The following GSE1 variants were observed in gnomAD, a reference collection of about 807,000 sequenced individuals.
GSE1 encodes the protein Gse1 coiled-coil protein, also known as genetic suppressor element 1.
Under a neutral mutation model 112.6 loss-of-function variants are expected in GSE1, and 32 were observed. The observed-to-expected ratio is 0.28, with a 90% confidence interval of 0.21 to 0.38. The LOEUF (loss-of-function observed/expected upper bound fraction) is 0.38, where lower values mean the gene tolerates loss of function less well. Among genes scored for constraint, GSE1 ranks in the 10% least tolerant of loss-of-function variants. The pLI is 1.00. For synonymous variants in GSE1, 1,115 were observed against 735.6 expected, an observed-to-expected ratio of 1.52 and a Z score of -8.35; for missense variants, 2,348 against 1,699.2, an observed-to-expected ratio of 1.38 and a Z score of -6.71.
chr16:85,246,267 ACACACACC>A (rs1304903009), intron 1 of GSE1, among the ~76,000 whole-genome samples: 8 of 141,092 alleles, frequency 5.7e-5, no homozygotes, highest in African/African-American at 2.2e-4. Context: ...ACACACACAC[ACACACACC>A]CCACACGCTG....
chr16:85,497,581 C>T (rs372819575), intron 2 of GSE1, among the ~76,000 whole-genome samples: 3 of 152,228 alleles, frequency 2.0e-5, no homozygotes, highest in South Asian at 4.1e-4. Context: ...TGCCATCTCA[C>T]AGCAAACTGC....
intron 1 of GSE1, among the ~76,000 whole-genome samples, chr16:85,174,068 T>C (rs1178390020): frequency 6.6e-6 from 1 of 152,164 alleles, no homozygotes; most frequent in Non-Finnish European, 1.5e-5. Flanking sequence ...ACCAGCTGCC[T>C]GGAGGAGGTG....
intron 1 of GSE1, chr16:85,595,178 C>T (rs1347782037): frequency 1.3e-5 from 2 of 152,428 alleles, no homozygotes; most frequent in Non-Finnish European, 2.9e-5. Flanking sequence ...CGAGTACAGA[C>T]CAGCACATGG....
chr16:85,610,859 C>T (rs1225221983), upstream of GSE1, among the ~76,000 whole-genome samples: 1 of 152,232 alleles, frequency 6.6e-6, no homozygotes, highest in African/African-American at 2.4e-5. Flanking sequence ...GGGACCAGAC[C>T]ACCCATCTCG....
At chr16:85,236,870 C>T (rs375810620) in intron 1 of GSE1, among the ~76,000 whole-genome samples, 13 of 152,320 alleles carry the variant, frequency 8.5e-5, no homozygotes, top group African/African-American at 3.1e-4. Context: ...TCCCCCCGAC[C>T]ATCCCTTCCT....
At chr16:85,300,847 C>T (rs1256884865) in intron 1 of GSE1, among the ~76,000 whole-genome samples, 1 of 152,210 alleles carries the variant, frequency 6.6e-6, no homozygotes, top group Admixed American at 6.5e-5. Flanking sequence ...TGAACTGGGA[C>T]ACACTAGGTA....
intron 1 of GSE1, among the ~76,000 whole-genome samples, chr16:85,188,511 T>G (rs906567353): frequency 6.6e-6 from 1 of 151,868 alleles, no homozygotes; most frequent in Non-Finnish European, 1.5e-5. Context: ...TTAGGTCAGG[T>G]TATGGGAAAG....
intron 1 of GSE1, among the ~76,000 whole-genome samples, chr16:85,350,386 G>A (rs938646473): frequency 6.6e-6 from 1 of 152,108 alleles, no homozygotes; most frequent in African/African-American, 2.4e-5. Flanking sequence ...AAGTGGGTGA[G>A]CCCTGTTCTC....
chr16:85,486,283 T>G (rs1247657874), intron 2 of GSE1, among the ~76,000 whole-genome samples: 1 of 140,832 alleles, frequency 7.1e-6, no homozygotes, highest in Non-Finnish European at 1.5e-5. Context: ...AGGTGGACGC[T>G]GTCACCTGCT....
chr16:85,408,963 CTGTTA>C (rs1195608563), intron 2 of GSE1, among the ~76,000 whole-genome samples: 1 of 6,496 alleles, frequency 1.5e-4, no homozygotes, highest in Non-Finnish European at 7.1e-4. Context: ...ATAATCCTCA[CTGTTA>C]CACTCAGGGC....
At chr16:85,629,075 C>G (rs765415228) in intron 1 of GSE1, among the ~76,000 whole-genome samples, 3 of 152,330 alleles carry the variant, frequency 2.0e-5, no homozygotes, top group East Asian at 1.9e-4. Context: ...CTCTTGCTCC[C>G]TCTCTCACCA....
chr16:85,220,195 C>T (rs1205338963), intron 1 of GSE1, among the ~76,000 whole-genome samples: 1 of 152,386 alleles, frequency 6.6e-6, no homozygotes, highest in East Asian at 1.9e-4. Context: ...CGTTACCCCG[C>T]ACCTGGGATT....
chr16:85,638,059 C>CCG (rs2050147223), intron 2 of GSE1, among the ~76,000 whole-genome samples: 1 of 152,200 alleles, frequency 6.6e-6, no homozygotes, highest in Non-Finnish European at 1.5e-5. Context: ...TGGGCCCCAG[C>CCG]CGCCTGCGGC....
intron 1 of GSE1, among the ~76,000 whole-genome samples, chr16:85,280,644 C>T (rs535367873): frequency 2.0e-5 from 3 of 152,354 alleles, no homozygotes; most frequent in African/African-American, 4.8e-5. Flanking sequence ...GATCCGCCCA[C>T]CTCAGCCTCC....
At chr16:85,404,722 A>AG (rs1348970921) in intron 2 of GSE1, among the ~76,000 whole-genome samples, 23 of 29,862 alleles carry the variant, frequency 7.7e-4, no homozygotes, top group Admixed American at 1.1e-3. Context: ...TGTTACACTC[A>AG]GGCCCCCCGG....
intron 14 of GSE1, among the ~76,000 whole-genome samples, chr16:85,668,683 C>A (rs1225546839): frequency 1.3e-5 from 2 of 152,178 alleles, no homozygotes; most frequent in African/African-American, 4.8e-5. Context: ...TTTATGTGGG[C>A]CCTGCTCTGT....
intron 1 of GSE1, among the ~76,000 whole-genome samples, chr16:85,624,286 G>C (rs1251117607): frequency 6.6e-6 from 1 of 152,230 alleles, no homozygotes; most frequent in Non-Finnish European, 1.5e-5. Context: ...GAGGGAGGAA[G>C]GGCTCCCACA....
At chr16:85,631,071 C>T (rs558429426) in intron 1 of GSE1, among the ~76,000 whole-genome samples, 1 of 152,302 alleles carries the variant, frequency 6.6e-6, no homozygotes, top group South Asian at 2.1e-4. Flanking sequence ...GCTCTCCTAG[C>T]GTCACCCTCC....
chr16:85,640,834 C>A (rs1030424342), intron 2 of GSE1, among the ~76,000 whole-genome samples: 3 of 152,258 alleles, frequency 2.0e-5, no homozygotes, highest in African/African-American at 4.8e-5. Flanking sequence ...GTCTGGAGCC[C>A]GTCTGTCTCC....
Sources: gnomAD v4.1 joint callset for allele counts (sites outside exome capture counted in the v4.1 genomes callset) on GRCh38, gnomAD v4.1.1 for gene constraint, MANE v1.5 for transcripts, NCBI Gene and HGNC (gene_info 2026-07-23, HGNC 2026-07-21) for gene names.